AGAP1: variants seen among roughly 807,000 people sequenced by gnomAD.
AGAP1 encodes the protein ArfGAP with GTPase domain, ankyrin repeat and PH domain 1.
In AGAP1, 29 loss-of-function variants were observed where a neutral mutation model predicts 105.3. The observed-to-expected ratio is 0.28, with a 90% CI of 0.21 to 0.38. The LOEUF (loss-of-function observed/expected upper bound fraction) is 0.38. Among genes scored for constraint, AGAP1 ranks in the 10% least tolerant of loss-of-function variants. The pLI is 1.00. For missense variants in AGAP1, 998 were observed against 1,165.1 expected (o/e 0.86, Z 2.09); for synonymous variants, 509 against 485.9 (o/e 1.05, Z -0.63).
At chr2:235,920,472 T>C (rs921093133) in intron 11 of AGAP1, among the ~76,000 whole-genome samples, 2 of 152,140 alleles carry the variant, frequency 1.3e-5, no homozygotes, top group Non-Finnish European at 2.9e-5. Context: ...CTCCTTCCTT[T>C]CTTTTGTAAA....
intron 16 of AGAP1, among the ~76,000 whole-genome samples, chr2:236,110,423 C>T (rs893584326): frequency 1.3e-5 from 2 of 151,576 alleles, no homozygotes; most frequent in Admixed American, 6.6e-5. Context: ...ATTAGCTGGG[C>T]GTGGTGATGT....
At chr2:236,077,343 C>G (rs2058667758) in intron 16 of AGAP1, among the ~76,000 whole-genome samples, 1 of 138,250 alleles carries the variant, frequency 7.2e-6, no homozygotes, top group African/African-American at 2.7e-5. Flanking sequence ...TTTTTTGAGA[C>G]AGTTTCGCTC....
intron 15 of AGAP1, among the ~76,000 whole-genome samples, chr2:236,048,444 C>T (rs1195586046): frequency 6.6e-6 from 1 of 152,250 alleles, no homozygotes; most frequent in African/African-American, 2.4e-5. Context: ...CCAAAGGGCC[C>T]TGCCCACCAA....
Position 236,090,539 on chromosome 2 carries a change from C to G in AGAP1, c.2115-29653C>G, listed in dbSNP as rs1419346696. ...GGAAAAGCAAACGGGCTTTGCCAAG[C>G]GAGTGAGAGGCGGGGGTCGGAGGGA... is the stretch of plus-strand genomic sequence containing the variant. On this transcript the variant is annotated intron_variant, in intron 16 of 17. Coordinates refer to ENST00000304032, the MANE Select transcript of AGAP1 (RefSeq NM_001037131.3). This position sits in a 1 kb window ranked among gnomAD's most constrained non-coding sequence, Gnocchi z 4.3. 6.6e-6 allele frequency among the ~76,000 whole-genome samples: 1 copy of G among 152,106 alleles called. No homozygotes were observed. Among genetic ancestry groups the G allele is most frequent in the East Asian group, 1.9e-4 (1 of 5,178 alleles).
At chr2:235,594,863 T>C (rs1002602181) in intron 1 of AGAP1, among the ~76,000 whole-genome samples, 4 of 148,990 alleles carry the variant, frequency 2.7e-5, no homozygotes, top group Middle Eastern at 3.4e-3. Context: ...CGTGAGCCAC[T>C]GCGCCCGGCC....
chr2:235,686,665 A>ATATATATATAT (rs1369766503), intron 1 of AGAP1, among the ~76,000 whole-genome samples: 1 of 77,492 alleles, frequency 1.3e-5, no homozygotes, highest in African/African-American at 6.5e-5. Context: ...ATATATATAT[A>ATATATATATAT]TTTTTTTTTT....
chr2:236,002,721 A>G lies in AGAP1; in HGVS notation c.1646-33840A>G, dbSNP rs2056174512. On this transcript the variant is annotated intron_variant, in intron 13 of 17. Transcript: ENST00000304032. This position sits in a 1 kb window ranked among gnomAD's most constrained non-coding sequence, Gnocchi z 4.3. ...GGCAGGACTGTGAGAGTCCCCCTGA[A>G]AAGCGAGATTTCATAGAAGTATTGA... Among the ~76,000 whole-genome samples, 2 of 152,180 alleles carry G rather than the reference A, an allele frequency of 1.3e-5. No individual in the cohort carries two copies. The highest frequency in any genetic ancestry group is 4.1e-4 in the South Asian group (2 of 4,828).
At chr2:235,579,179 C>T (rs1036843167) in intron 1 of AGAP1, among the ~76,000 whole-genome samples, 4 of 152,134 alleles carry the variant, frequency 2.6e-5, no homozygotes, top group African/African-American at 9.7e-5. Flanking sequence ...CTGTGTCAGC[C>T]CCTGCCCACT....
At chr2:235,585,486 G>A (rs924816889) in intron 1 of AGAP1, among the ~76,000 whole-genome samples, 5 of 152,170 alleles carry the variant, frequency 3.3e-5, no homozygotes, top group Admixed American at 6.5e-5. Context: ...GCTTTGCCCC[G>A]TGGAGCCACA....
intron 9 of AGAP1, among the ~76,000 whole-genome samples, chr2:235,857,252 A>G (rs1575626143): frequency 6.6e-6 from 1 of 152,280 alleles, no homozygotes; most frequent in East Asian, 1.9e-4. Context: ...AGAACGGCAC[A>G]TGCAAGGGAT....
intron 1 of AGAP1, among the ~76,000 whole-genome samples, chr2:235,513,240 C>CCGGGTGCGGGCG (rs1553555361): frequency 2.0e-5 from 3 of 151,376 alleles, no homozygotes; most frequent in African/African-American, 4.9e-5. Context: ...GATCACTGTG[C>CCGGGTGCGGGCG]CGGGCGCGGG....
At position 235,750,220 on chromosome 2, in the gene AGAP1, T is replaced by C; in HGVS notation, c.539-134T>C. 1 of 1,290,998 alleles carries C rather than the reference T, an allele frequency of 7.7e-7. No individual in the cohort carries two copies. Among genetic ancestry groups the C allele is most frequent in the South Asian group, 1.4e-5 (1 of 70,602 alleles). The allele number at this position is 1,290,998 out of a possible 1,614,324, so 80.0% of individuals were successfully genotyped here. A position where few individuals can be genotyped will look rare whatever the true frequency, so the allele number is the denominator to read the frequency against. On this transcript the variant is annotated intron_variant, in intron 5 of 17. Coordinates refer to ENST00000304032, the MANE Select transcript of AGAP1 (RefSeq NM_001037131.3). This position sits in a 1 kb window ranked among gnomAD's most constrained non-coding sequence, Gnocchi z 5.3. The stretch of plus-strand genomic sequence containing the variant: ...CTCTTAGTTGGGAGGCAAACGATGC[T>C]CTACAATTCCAGATTCATAAACTAA...
intron 10 of AGAP1, among the ~76,000 whole-genome samples, chr2:235,897,309 G>C (rs1173881254): frequency 3.3e-5 from 5 of 152,102 alleles, no homozygotes; most frequent in African/African-American, 4.8e-5. Context: ...CAACCTGCTG[G>C]GATTACAGGC....
chr2:235,980,792 T>C (rs554602755), intron 13 of AGAP1, among the ~76,000 whole-genome samples: 1 of 152,224 alleles, frequency 6.6e-6, no homozygotes, highest in Non-Finnish European at 1.5e-5. Context: ...CCTGCTACCC[T>C]GTGCCCAAAA....
intron 10 of AGAP1, among the ~76,000 whole-genome samples, chr2:235,897,668 A>T (rs1240805579): frequency 6.6e-6 from 1 of 152,194 alleles, no homozygotes; most frequent in Non-Finnish European, 1.5e-5. Flanking sequence ...TTCTTACACA[A>T]GGTAAATAAA....
rs116749464 is a variant in AGAP1 at position 235,973,885 on chromosome 2, A to G, written c.1645+5262A>G. Among the ~76,000 whole-genome samples the G allele has an allele frequency of 7.7e-4, 117 of 152,258 alleles. No homozygotes were observed. The highest frequency in any genetic ancestry group is 2.7e-3 in the African/African-American group (111 of 41,554). On this transcript the variant is annotated intron_variant, in intron 13 of 17. Transcript: ENST00000304032. The surrounding 1 kb of genome is among the most constrained non-coding windows in gnomAD (Gnocchi z 4.7). ...CCCAACCAGGTCCAAGTTCAAGGGT[A>G]TGTGCCAGGGAAAAGCGCCTGGGCA...
intron 9 of AGAP1, among the ~76,000 whole-genome samples, chr2:235,839,176 C>G (rs897066025): frequency 6.6e-6 from 1 of 152,080 alleles, no homozygotes; most frequent in African/African-American, 2.4e-5. Context: ...AAAAAACTTG[C>G]AAAAAATAGA....
intron 6 of AGAP1, among the ~76,000 whole-genome samples, chr2:235,778,276 C>T (rs2149906868): frequency 6.6e-6 from 1 of 152,344 alleles, no homozygotes; most frequent in Admixed American, 6.5e-5. Context: ...ATCGCCCCGC[C>T]TGGGTTTCCT....
Position 235,720,784 on chromosome 2 carries a change from G to A in AGAP1, c.310+3140G>A, listed in dbSNP as rs1023963151. 91 of 881,048 alleles carry A rather than the reference G, an allele frequency of 1.0e-4. 1 individual carries two copies. The South Asian group carries it at 3.7e-3, about 35-fold the overall frequency. 54.6% of individuals were successfully genotyped at this position (881,048 alleles called of 1,614,324 possible). A position where few individuals can be genotyped will look rare whatever the true frequency, so the allele number is the denominator to read the frequency against. On this transcript the variant is annotated intron_variant, in intron 3 of 17. Coordinates refer to ENST00000304032, the MANE Select transcript of AGAP1 (RefSeq NM_001037131.3). This position sits in a 1 kb window ranked among gnomAD's most constrained non-coding sequence, Gnocchi z 5.0. ...GTAGACTGCTGGGAGGGGTGAGGGT[G>A]AGGGCCTTCCTGTCTTCAGGGGAGA...
Sources: gnomAD v4.1 joint callset for allele counts (sites outside exome capture counted in the v4.1 genomes callset) on GRCh38, gnomAD v4.1.1 for gene constraint, Gnocchi (gnomAD v3.1) non-coding constraint, MANE v1.5 for transcripts, NCBI Gene and HGNC (gene_info 2026-07-23, HGNC 2026-07-21) for gene names.